Variants in INKA2 observed in about 807,000 individuals in gnomAD.
INKA2 encodes PAK4-inhibitor INKA2.
A neutral mutation model predicts 9.8 loss-of-function variants in INKA2; 3 were observed. That is an observed-to-expected ratio of 0.31 (90% confidence interval 0.14 to 0.79). INKA2 has a LOEUF of 0.79. INKA2 is among the 30% of genes least tolerant of loss of function. INKA2 has a pLI of 0.62. For synonymous variants in INKA2, 147 were observed against 143.3 expected, an observed-to-expected ratio of 1.03 and a Z score of -0.18; for missense variants, 392 against 384.4, an observed-to-expected ratio of 1.02 and a Z score of -0.17.
chr1:111,734,833 G>C (rs988651653), intron 1 of INKA2, among the ~76,000 whole-genome samples: 1 of 152,162 alleles, frequency 6.6e-6, no homozygotes, highest in African/African-American at 2.4e-5. Context: ...CAATCTCCCA[G>C]CTGGAGTTTA....
At chr1:111,739,601 G>A (rs1196999638), upstream of INKA2, among the ~76,000 whole-genome samples, 1 of 152,252 alleles carries the variant, frequency 6.6e-6, no homozygotes, top group Non-Finnish European at 1.5e-5. Context: ...CCTGGTCCCG[G>A]CCAGCGCGGC....
upstream of INKA2, among the ~76,000 whole-genome samples, chr1:111,740,345 G>A (rs551128454): frequency 3.3e-5 from 5 of 152,284 alleles, no homozygotes; most frequent in African/African-American, 1.2e-4. Flanking sequence ...TGGAGTTGCG[G>A]CCAATAGGCT....
chr1:111,747,964 C>T (rs1663310446), intron 1 of INKA2, among the ~76,000 whole-genome samples: 1 of 152,190 alleles, frequency 6.6e-6, no homozygotes, highest in African/African-American at 2.4e-5. Context: ...TATCCTTCTA[C>T]TATTGCTGTT....
intron 1 of INKA2, among the ~76,000 whole-genome samples, chr1:111,748,905 A>G (rs1350574888): frequency 6.6e-6 from 1 of 152,372 alleles, no homozygotes; most frequent in East Asian, 1.9e-4. Context: ...AAGGAGGCAG[A>G]CCAATCTCTT....
chr1:111,727,249 C>A lies in INKA2; in HGVS notation c.613G>T (p.Ala205Ser), dbSNP rs764694872. 1.1e-5 allele frequency: 18 copies of A among 1,614,062 alleles called. No individual in the cohort carries two copies. In the Admixed American group the frequency reaches 2.7e-4, roughly 24 times the overall value. The change falls in exon 2 of 2, where the codon GCC (alanine) becomes TCC (serine). Residue 205 changes from alanine to serine, a missense_variant. By Grantham distance (99) the Ala-to-Ser change is moderately conservative. Transcript: ENST00000357260. ...TTCTTAAAGATGTTTGCTGTCAGGG[C>A]GAACCTGCGGCCCAGCTCCTGGGGC... The part of the protein sequence containing the change: ...GQPQELGRRF[A>S]LTANIFKKFL...
Position 111,723,044 on chromosome 1 carries a change from G to T in INKA2, c.*3924C>A, listed in dbSNP as rs1440994340. On this transcript the variant is annotated 3_prime_UTR_variant, in exon 2 of 2. Coordinates refer to ENST00000357260, the MANE Select transcript of INKA2 (RefSeq NM_019099.5). ...CTCAAGCTTCCACAGTGACAGAGGGGGCTCTCAAATCTTAACTCCAAGTCT... is the reference window on the plus strand; with the variant it reads ...CTCAAGCTTCCACAGTGACAGAGGGTGCTCTCAAATCTTAACTCCAAGTCT... The T allele has an allele frequency of 5.7e-6, 4 of 701,756 alleles. No individual in the cohort carries two copies. The South Asian group carries it at 5.9e-5, about 10-fold the overall frequency. 43.5% of individuals were successfully genotyped at this position (701,756 alleles called of 1,614,324 possible).
upstream of INKA2, among the ~76,000 whole-genome samples, chr1:111,741,053 G>GAGAGACAC (rs113152261): frequency 0.16 from 19,617 of 123,348 alleles, 2,555 homozygotes; most frequent in Admixed American, 0.2. Flanking sequence ...GATAGATACA[G>GAGAGACAC]AGAGACACAG....
rs1662697424 is a variant in INKA2, at chr1:111,723,573, A to C, written c.*3395T>G. On this transcript the variant is annotated 3_prime_UTR_variant, in exon 2 of 2. Transcript: ENST00000357260. The stretch of plus-strand genomic sequence containing the variant: ...GGTGGGGTGGGGCTACATGTCAGGG[A>C]GGATATTAAATGAGCTTCTAGCTCA... 1 of 171,522 alleles carries C rather than the reference A, an allele frequency of 5.8e-6. No individual in the cohort carries two copies. Among genetic ancestry groups the C allele is most frequent in the South Asian group, 1.9e-4 (1 of 5,334 alleles). The allele number at this position is 171,522 out of a possible 1,614,324, so 10.6% of individuals were successfully genotyped here.
chr1:111,754,276 T>C (rs1354794526), intron 1 of INKA2: 4 of 152,238 alleles, frequency 2.6e-5, no homozygotes, highest in African/African-American at 9.6e-5. Flanking sequence ...ATCTCCACCA[T>C]CAGTCTCCAT....
intron 1 of INKA2, 137 bp downstream of exon 1, chr1:111,739,049 G>A (rs1010685738): frequency 1.7e-5 from 13 of 769,038 alleles, no homozygotes; most frequent in African/African-American, 3.5e-5. Context: ...CTCTGCCTGC[G>A]GGCCCGCGTC....
intron 1 of INKA2, among the ~76,000 whole-genome samples, chr1:111,731,256 T>A (rs1662898735): frequency 6.6e-6 from 1 of 152,210 alleles, no homozygotes; most frequent in Non-Finnish European, 1.5e-5. Context: ...AATAATTTGG[T>A]TTCTGGAGAC....
In INKA2 at chr1:111,726,698, CAG is replaced by C. The variant is rs1662776917; in HGVS notation, c.*268_*269del. 2.1e-6 allele frequency: 1 copy of C among 476,870 alleles called. No individual in the cohort carries two copies. Among genetic ancestry groups the C allele is most frequent in the African/African-American group, 2.0e-5 (1 of 50,302 alleles). 29.5% of individuals were successfully genotyped at this position (476,870 alleles called of 1,614,324 possible). On this transcript the variant is annotated 3_prime_UTR_variant, in exon 2 of 2. Coordinates refer to ENST00000357260, the MANE Select transcript of INKA2 (RefSeq NM_019099.5). ...CCAAAGTGAGTGCATGCATGCCAGA[CAG>C]ACACACACATGCACACACACACACA...
chr1:111,754,782 T>C (rs922689446), intron 1 of INKA2: 18 of 152,388 alleles, frequency 1.2e-4, no homozygotes, highest in African/African-American at 4.3e-4. Flanking sequence ...ATGTGTCAGA[T>C]TGTTTTTCCC....
In INKA2 at chr1:111,723,458, G is replaced by C. The variant is rs552363434; in HGVS notation, c.*3510C>G. ...GCATGCCCAGCAGGGACTCTTTTCT[G>C]TTCCCTGGGCCACAAAGAAGCAGGT... is the stretch of plus-strand genomic sequence containing the variant. On this transcript the variant is annotated 3_prime_UTR_variant, in exon 2 of 2. Coordinates refer to ENST00000357260, the MANE Select transcript of INKA2 (RefSeq NM_019099.5). The C allele has an allele frequency of 9.8e-6, 3 of 306,902 alleles. 1 individual carries two copies. The East Asian group carries it at 1.6e-4, about 17-fold the overall frequency. 19.0% of individuals were successfully genotyped at this position (306,902 alleles called of 1,614,324 possible).
rs1662691401 is a variant in INKA2 at position 111,723,361 on chromosome 1, G to C, written c.*3607C>G. ...GCACAAGGGAAGTGTCTGAGGGAGA[G>C]GGAAAAGAGAGGTCCCAAGTCTGAA... is the stretch of plus-strand genomic sequence containing the variant. On this transcript the variant is annotated 3_prime_UTR_variant, in exon 2 of 2. Coordinates refer to ENST00000357260, the MANE Select transcript of INKA2 (RefSeq NM_019099.5). The C allele has an allele frequency of 2.2e-6, 1 of 455,052 alleles. No individual in the cohort carries two copies. Among genetic ancestry groups the C allele is most frequent in the Admixed American group, 4.0e-5 (1 of 24,760 alleles). 28.2% of individuals were successfully genotyped at this position (455,052 alleles called of 1,614,324 possible).
upstream of INKA2, among the ~76,000 whole-genome samples, chr1:111,740,620 G>A (rs963077718): frequency 1.3e-5 from 2 of 152,246 alleles, no homozygotes; most frequent in Non-Finnish European, 2.9e-5. Flanking sequence ...ACCAGAGAAG[G>A]CACGAACGGT....
rs142952172 is a variant in INKA2, at chr1:111,727,419, C to A, written c.443G>T (p.Arg148Leu). Residue 148 changes from arginine (R) to leucine (L), a missense_variant, in exon 2 of 2, where the codon CGG becomes CTG. Coordinates refer to ENST00000357260, the MANE Select transcript of INKA2 (RefSeq NM_019099.5). ...CACCAGAGGCTGTCGATTCCGGCCC[C>A]GGGACATCAACGTGGAGGTCCAGTC... is the stretch of plus-strand genomic sequence containing the variant. ...PDDWTSTLMSRGRNRQPLVLG... is the reference protein window; with the variant it reads ...PDDWTSTLMSLGRNRQPLVLG... 1 of 1,614,112 alleles carries A rather than the reference C, an allele frequency of 6.2e-7. No homozygotes were observed. The highest frequency in any genetic ancestry group is 2.2e-5 in the East Asian group (1 of 44,876).
intron 1 of INKA2, among the ~76,000 whole-genome samples, chr1:111,737,009 G>T (rs1337678559): frequency 6.6e-6 from 1 of 152,126 alleles, no homozygotes; most frequent in African/African-American, 2.4e-5. Context: ...CTGTCCTTCT[G>T]CTCTGTCTCG....
intron 1 of INKA2, among the ~76,000 whole-genome samples, chr1:111,735,640 C>T (rs1662993807): frequency 6.6e-6 from 1 of 152,198 alleles, no homozygotes; most frequent in Non-Finnish European, 1.5e-5. Flanking sequence ...AAAGAAGAGG[C>T]ATTATGAGAT....
Sources: gnomAD v4.1 joint callset for allele counts (sites outside exome capture counted in the v4.1 genomes callset) on GRCh38, gnomAD v4.1.1 for gene constraint, MANE v1.5 for transcripts, NCBI Gene and HGNC (gene_info 2026-07-23, HGNC 2026-07-21) for gene names.